The following MSRA variants were observed in gnomAD, a reference collection of about 807,000 sequenced individuals.
MSRA encodes the protein mitochondrial peptide methionine sulfoxide reductase.
MSRA carries 54 observed loss-of-function variants against 31.3 expected under a neutral mutation model. The observed-to-expected ratio is 1.73, with a 90% CI of 1.39 to 2.17. The LOEUF is 2.17. Ranked by LOEUF, MSRA falls within the 30% of genes most tolerant of loss-of-function variation. MSRA has a pLI of 0.00. For synonymous variants in MSRA, 169 were observed against 116.5 expected, an observed-to-expected ratio of 1.45 and a Z score of -2.90; for missense variants, 507 against 300.9, an observed-to-expected ratio of 1.69 and a Z score of -5.07.
At chr8:10,121,056 A>G (rs1285473404) in intron 1 of MSRA, among the ~76,000 whole-genome samples, 1 of 152,228 alleles carries the variant, frequency 6.6e-6, no homozygotes, top group Non-Finnish European at 1.5e-5. Flanking sequence ...AATAAAGGGT[A>G]GTCACTTAAA....
intron 1 of MSRA, among the ~76,000 whole-genome samples, chr8:10,071,116 C>T (rs537530757): frequency 6.6e-6 from 1 of 152,358 alleles, no homozygotes; most frequent in Admixed American, 6.5e-5. Context: ...GATATTCCCA[C>T]CAGCAACATA....
intron 1 of MSRA, among the ~76,000 whole-genome samples, chr8:10,190,386 C>G (rs1383101479): frequency 6.6e-6 from 1 of 152,204 alleles, no homozygotes; most frequent in Non-Finnish European, 1.5e-5. Context: ...GCAGATGATT[C>G]CAAGGCCTCC....
chr8:10,168,038 A>G (rs1158712646), intron 1 of MSRA, among the ~76,000 whole-genome samples: 1 of 152,140 alleles, frequency 6.6e-6, no homozygotes, highest in Non-Finnish European at 1.5e-5. Context: ...TCTGGAACCC[A>G]ACAGTTTGGG....
At chr8:10,315,614 C>T (rs1421912421) in intron 4 of MSRA, among the ~76,000 whole-genome samples, 6 of 152,168 alleles carry the variant, frequency 3.9e-5, no homozygotes, top group Non-Finnish European at 5.9e-5. Context: ...GAACACTATC[C>T]ATGATGGACT....
chr8:10,078,934 G>C (rs1390695170), intron 1 of MSRA, among the ~76,000 whole-genome samples: 6 of 152,188 alleles, frequency 3.9e-5, no homozygotes, highest in Admixed American at 3.9e-4. Flanking sequence ...TGGAGCCAGT[G>C]GTCCCTCGCT....
At chr8:10,284,410 A>G (rs1585363994) in intron 3 of MSRA, among the ~76,000 whole-genome samples, 1 of 151,822 alleles carries the variant, frequency 6.6e-6, no homozygotes, top group African/African-American at 2.4e-5. Context: ...GCCAGGCTGG[A>G]CTCAAACTCC....
intron 1 of MSRA, among the ~76,000 whole-genome samples, chr8:10,163,969 A>G (rs1255777628): frequency 2.0e-5 from 3 of 152,280 alleles, no homozygotes; most frequent in Non-Finnish European, 4.4e-5. Flanking sequence ...CACAAGGGAC[A>G]GTAATAATGT....
At chr8:10,345,994 C>T (rs1374146829) in intron 5 of MSRA, among the ~76,000 whole-genome samples, 3 of 152,204 alleles carry the variant, frequency 2.0e-5, no homozygotes, top group Non-Finnish European at 4.4e-5. Flanking sequence ...TTCAGCCATC[C>T]ATTCCTACCT....
chr8:10,341,161 C>T (rs1273433805), intron 5 of MSRA, among the ~76,000 whole-genome samples: 1 of 152,116 alleles, frequency 6.6e-6, no homozygotes, highest in African/African-American at 2.4e-5. Flanking sequence ...TCTCGCGTTG[C>T]CATAAATACC....
intron 5 of MSRA, among the ~76,000 whole-genome samples, chr8:10,323,424 T>C (rs912569077): frequency 6.6e-6 from 1 of 152,028 alleles, no homozygotes. Flanking sequence ...TACTGAAATA[T>C]GATGATATCC....
In MSRA at chr8:10,428,438, G is replaced by A; in HGVS notation, c.*126G>A. 9.5e-7 allele frequency: 1 copy of A among 1,056,526 alleles called. No individual in the cohort carries two copies. Among genetic ancestry groups the A allele is most frequent in the Non-Finnish European group, 1.4e-6 (1 of 730,362 alleles). The allele number at this position is 1,056,526 out of a possible 1,614,324, so 65.4% of individuals were successfully genotyped here. On this transcript the variant is annotated 3_prime_UTR_variant, in exon 6 of 6. Coordinates refer to ENST00000317173, the MANE Select transcript of MSRA (RefSeq NM_012331.5). ...AAGTACAAAGGAATTTATACAGATT[G>A]GGTTTACCGAAGTATAATCTATAGG...
At chr8:10,403,320 A>G (rs1051894648) in intron 5 of MSRA, among the ~76,000 whole-genome samples, 3 of 152,302 alleles carry the variant, frequency 2.0e-5, no homozygotes, top group East Asian at 1.9e-4. Flanking sequence ...AACCCAGCCA[A>G]CGAGAAAAAG....
At chr8:10,245,248 T>A in intron 3 of MSRA, 25 bp downstream of exon 3, 1 of 1,607,626 alleles carries the variant, frequency 6.2e-7, no homozygotes, top group Non-Finnish European at 8.5e-7. Context: ...CTTTATTGTA[T>A]TACTAGGAGA....
chr8:10,329,155 A>G (rs1441283243), intron 5 of MSRA, among the ~76,000 whole-genome samples: 1 of 152,230 alleles, frequency 6.6e-6, no homozygotes, highest in East Asian at 1.9e-4. Flanking sequence ...CTGTGTTAAT[A>G]TCCTATAGCT....
intron 5 of MSRA, among the ~76,000 whole-genome samples, chr8:10,354,194 C>G (rs1804368978): frequency 6.6e-6 from 1 of 152,194 alleles, no homozygotes; most frequent in African/African-American, 2.4e-5. Flanking sequence ...GGTTTACTTG[C>G]ACTTAGGAAA....
intron 1 of MSRA, among the ~76,000 whole-genome samples, chr8:10,108,092 G>T (rs1478213535): frequency 1.3e-5 from 2 of 152,120 alleles, no homozygotes; most frequent in African/African-American, 2.4e-5. Context: ...GTATGAGGGA[G>T]GCCTCCCTTA....
At chr8:10,312,648 C>T (rs953384032) in intron 4 of MSRA, among the ~76,000 whole-genome samples, 62 of 152,252 alleles carry the variant, frequency 4.1e-4, no homozygotes, top group African/African-American at 1.3e-3. Context: ...AGAAATCCTA[C>T]GCAAACTATT....
chr8:10,154,748 A>G (rs867885324), intron 1 of MSRA, among the ~76,000 whole-genome samples: 2 of 152,184 alleles, frequency 1.3e-5, no homozygotes, highest in Admixed American at 6.5e-5. Context: ...TTGTGAAATA[A>G]TGTTGAAGTA....
chr8:10,147,375 C>T (rs1310887231), intron 1 of MSRA, among the ~76,000 whole-genome samples: 1 of 152,146 alleles, frequency 6.6e-6, no homozygotes, highest in Non-Finnish European at 1.5e-5. Flanking sequence ...CAGTCATCAG[C>T]TGTTGGCAGG....
Sources: allele counts gnomAD v4.1 joint callset (sites outside exome capture counted in the v4.1 genomes callset), GRCh38; gene constraint gnomAD v4.1.1; transcripts MANE v1.5; gene names NCBI Gene and HGNC (gene_info 2026-07-23, HGNC 2026-07-21).